Variants in ASAP1 observed in about 807,000 individuals in gnomAD.
The protein encoded by ASAP1 is arf-GAP with SH3 domain, ANK repeat and PH domain-containing protein 1.
Under a neutral mutation model 145.2 loss-of-function variants are expected in ASAP1, and 43 were observed. The observed-to-expected ratio is 0.30, with a 90% confidence interval of 0.23 to 0.38. The LOEUF is 0.38. Among genes scored for constraint, ASAP1 ranks in the 10% least tolerant of loss-of-function variants. ASAP1 has a pLI of 1.00. For synonymous variants in ASAP1, 546 were observed against 515.5 expected, an observed-to-expected ratio of 1.06 and a Z score of -0.80; for missense variants, 1,018 against 1,355.3, an observed-to-expected ratio of 0.75 and a Z score of 3.91.
chr8:130,107,496 T>C (rs2097539039), intron 24 of ASAP1, among the ~76,000 whole-genome samples: 1 of 69,062 alleles, frequency 1.4e-5, no homozygotes, highest in African/African-American at 4.0e-5. Context: ...ATAGTCTCTC[T>C]TTTTTTTTTT....
chr8:130,184,933 A>G (rs562722671), intron 7 of ASAP1, among the ~76,000 whole-genome samples: 1 of 152,314 alleles, frequency 6.6e-6, no homozygotes, highest in South Asian at 2.1e-4. Context: ...TTTTGGCTCA[A>G]TGTCACAAAA....
intron 1 of ASAP1, among the ~76,000 whole-genome samples, chr8:130,402,425 G>A (rs1828837523): frequency 6.6e-6 from 1 of 152,160 alleles, no homozygotes; most frequent in South Asian, 2.1e-4. Flanking sequence ...ACATATTTCA[G>A]GACAGCCCCT....
chr8:130,324,845 A>C (rs899603434), intron 3 of ASAP1, among the ~76,000 whole-genome samples: 2 of 152,126 alleles, frequency 1.3e-5, no homozygotes, highest in African/African-American at 4.8e-5. Flanking sequence ...GCAAAAGCAC[A>C]CCCTTGCATC....
At chr8:130,059,704 A>G (rs1171378944) in intron 28 of ASAP1, among the ~76,000 whole-genome samples, 2 of 152,238 alleles carry the variant, frequency 1.3e-5, no homozygotes, top group Non-Finnish European at 1.5e-5. Context: ...TGAGATTTCT[A>G]CAAAATTCTA....
intron 27 of ASAP1, among the ~76,000 whole-genome samples, chr8:130,063,959 G>A (rs1465157932): frequency 6.6e-6 from 1 of 152,122 alleles, no homozygotes; most frequent in Non-Finnish European, 1.5e-5. Flanking sequence ...AGAAAAGAGT[G>A]CTGGCTGGGT....
intron 17 of ASAP1, among the ~76,000 whole-genome samples, chr8:130,125,602 C>T (rs1456004303): frequency 2.0e-5 from 3 of 152,026 alleles, no homozygotes; most frequent in African/African-American, 7.2e-5. Context: ...TCATTATTTA[C>T]AACAGAAGCC....
At chr8:130,377,429 A>G (rs1253571046) in intron 2 of ASAP1, among the ~76,000 whole-genome samples, 1 of 152,210 alleles carries the variant, frequency 6.6e-6, no homozygotes, top group Non-Finnish European at 1.5e-5. Flanking sequence ...ACATTGCAGA[A>G]GGGGTGTTTT....
chr8:130,442,677 G>C (rs987726390), intron 1 of ASAP1, among the ~76,000 whole-genome samples: 2 of 152,096 alleles, frequency 1.3e-5, no homozygotes, highest in African/African-American at 4.8e-5. Flanking sequence ...AGTTAACGAT[G>C]ATGGTCTGCA....
intron 3 of ASAP1, among the ~76,000 whole-genome samples, chr8:130,283,766 TA>T (rs1388478988): frequency 6.6e-6 from 1 of 152,088 alleles, no homozygotes; most frequent in Non-Finnish European, 1.5e-5. Context: ...TAGGATGCCT[TA>T]AAACCAGGTC....
At chr8:130,066,279 C>G (rs978795034) in intron 27 of ASAP1, among the ~76,000 whole-genome samples, 4 of 152,232 alleles carry the variant, frequency 2.6e-5, no homozygotes, top group Non-Finnish European at 2.9e-5. Context: ...GCCAATCACC[C>G]TGTCTCATCT....
intron 3 of ASAP1, among the ~76,000 whole-genome samples, chr8:130,355,607 T>C (rs912271312): frequency 8.5e-5 from 13 of 152,202 alleles, no homozygotes; most frequent in African/African-American, 3.1e-4. Context: ...GATTTTGTGG[T>C]ATGCCCCCAA....
At chr8:130,055,779 C>A (rs2097402661) in intron 29 of ASAP1, among the ~76,000 whole-genome samples, 1 of 152,194 alleles carries the variant, frequency 6.6e-6, no homozygotes, top group East Asian at 1.9e-4. Flanking sequence ...ATATTGGCTT[C>A]CAATGCCAAA....
chr8:130,132,567 G>A (rs2097584867), intron 15 of ASAP1, among the ~76,000 whole-genome samples: 1 of 152,140 alleles, frequency 6.6e-6, no homozygotes. Context: ...GAAACCATGA[G>A]GGTGTGTGCC....
intron 9 of ASAP1, among the ~76,000 whole-genome samples, chr8:130,178,725 A>T (rs535756841): frequency 6.6e-6 from 1 of 152,278 alleles, no homozygotes; most frequent in Non-Finnish European, 1.5e-5. Flanking sequence ...CTCTACTAAC[A>T]ATACAAAAAA....
At chr8:130,073,390 CA>C (rs35429166) in intron 27 of ASAP1, among the ~76,000 whole-genome samples, 54,610 of 117,104 alleles carry the variant, frequency 0.47, 10,397 homozygotes, top group Admixed American at 0.54. Context: ...AACTCCGTCT[CA>C]AAAAAAAAAA....
chr8:130,294,449 G>A (rs537579959), intron 3 of ASAP1, among the ~76,000 whole-genome samples: 1 of 152,314 alleles, frequency 6.6e-6, no homozygotes, highest in South Asian at 2.1e-4. Context: ...AACATGAGCT[G>A]GACAGACCTG....
chr8:130,298,040 C>G (rs1252291925), intron 3 of ASAP1, among the ~76,000 whole-genome samples: 6 of 152,182 alleles, frequency 3.9e-5, no homozygotes, highest in Non-Finnish European at 7.3e-5. Context: ...TTTGAATCCC[C>G]ATGTCTTCAT....
intron 3 of ASAP1, among the ~76,000 whole-genome samples, chr8:130,350,710 T>C (rs537177805): frequency 8.5e-5 from 13 of 152,358 alleles, no homozygotes; most frequent in South Asian, 6.2e-4. Context: ...GGCTTTCAGG[T>C]TGGCAAACGC....
intron 18 of ASAP1, among the ~76,000 whole-genome samples, chr8:130,121,646 T>C (rs960607357): frequency 1.3e-4 from 20 of 151,618 alleles, no homozygotes; most frequent in Admixed American, 1.3e-3. Flanking sequence ...TAGTCGGGCA[T>C]AGTGGCGCAT....
Sources: gnomAD v4.1 joint callset for allele counts (sites outside exome capture counted in the v4.1 genomes callset) on GRCh38, gnomAD v4.1.1 for gene constraint, MANE v1.5 for transcripts, NCBI Gene and HGNC (gene_info 2026-07-23, HGNC 2026-07-21) for gene names.